Variants in CD2AP observed in about 807,000 individuals in gnomAD.
CD2AP encodes the protein CD2 associated protein, also known as CD2-associated protein.
Under a neutral mutation model 85.1 loss-of-function variants are expected in CD2AP, and 46 were observed. The observed-to-expected ratio is 0.54, with a 90% confidence interval of 0.43 to 0.69. The LOEUF is 0.69. Ranked by LOEUF, CD2AP falls within the 30% of genes least tolerant of loss-of-function variation. The pLI is 0.00. For synonymous variants in CD2AP, 255 were observed against 252.9 expected, an observed-to-expected ratio of 1.01 and a Z score of -0.08; for missense variants, 769 against 729.5, an observed-to-expected ratio of 1.05 and a Z score of -0.62.
At chr6:47,512,459 T>A (rs531077074) in intron 2 of CD2AP, among the ~76,000 whole-genome samples, 101 of 152,358 alleles carry the variant, frequency 6.6e-4, no homozygotes, top group African/African-American at 2.3e-3. Flanking sequence ...TTCAGATAGC[T>A]ATACTGAAGA....
At chr6:47,607,043 A>G (rs1448052010) in intron 14 of CD2AP, among the ~76,000 whole-genome samples, 1 of 152,036 alleles carries the variant, frequency 6.6e-6, no homozygotes, top group East Asian at 1.9e-4. Flanking sequence ...TAATTTTTAT[A>G]GTGAGAATAT....
At position 47,607,912 on chromosome 6, in the gene CD2AP, T is replaced by C. The variant is rs200506346; in HGVS notation, c.1531-15T>C. ...TTGGTCTATTATGTCTCTTGACTTC[T>C]AAAAAATCATTTAGCCAACTCACAG... is the stretch of plus-strand genomic sequence containing the variant. On this transcript the variant is annotated splice_polypyrimidine_tract_variant and intron_variant, in intron 14 of 17. Transcript: ENST00000359314. 6.3e-7 allele frequency: 1 copy of C among 1,586,468 alleles called. No individual in the cohort carries two copies. The highest frequency in any genetic ancestry group is 1.1e-5 in the South Asian group (1 of 90,320).
intron 6 of CD2AP, 128 bp downstream of exon 6, chr6:47,574,379 T>C: frequency 1.2e-6 from 1 of 807,874 alleles, no homozygotes; most frequent in Admixed American, 2.3e-5. Flanking sequence ...TGGTTATGAA[T>C]GAGGAGGCTG....
chr6:47,533,078 T>C lies in CD2AP; in HGVS notation c.166-524T>C, dbSNP rs1404008018. Among the ~76,000 whole-genome samples, 5 of 152,110 alleles carry C rather than the reference T, an allele frequency of 3.3e-5. No homozygotes were observed. The East Asian group carries it at 9.6e-4, about 29-fold the overall frequency. On this transcript the variant is annotated intron_variant, in intron 2 of 17. Coordinates refer to ENST00000359314, the MANE Select transcript of CD2AP (RefSeq NM_012120.3). ...GAATTTTATAAATGGTTGGAAAAAA[T>C]CAAAAGGATAATATGACATATAAAA...
intron 2 of CD2AP, among the ~76,000 whole-genome samples, chr6:47,528,990 G>A (rs1172016494): frequency 1.3e-5 from 2 of 151,992 alleles, no homozygotes; most frequent in Non-Finnish European, 2.9e-5. Context: ...TTAGTGCATG[G>A]CAACATCTGA....
chr6:47,607,504 G>A (rs1769308149), intron 14 of CD2AP, among the ~76,000 whole-genome samples: 2 of 151,996 alleles, frequency 1.3e-5, no homozygotes, highest in African/African-American at 4.8e-5. Flanking sequence ...TTTAATTGGG[G>A]TGAGGTAATA....
At position 47,478,179 on chromosome 6, in the gene CD2AP, G is replaced by C. The variant is rs1262822555; in HGVS notation, c.-66G>C. 1.9e-6 allele frequency: 3 copies of C among 1,549,226 alleles called. No individual in the cohort carries two copies. Among genetic ancestry groups the C allele is most frequent in the African/African-American group, 2.7e-5 (2 of 73,156 alleles). On this transcript the variant is annotated 5_prime_UTR_variant, in exon 1 of 18. Transcript: ENST00000359314. ...CGCCTCCAGCCGCGGGAGCGGCCGC[G>C]CGAGCCACCACTGGAGGAGGAGGAG...
At position 47,612,645 on chromosome 6, in the gene CD2AP, G is replaced by T. The variant is rs191695660; in HGVS notation, c.1878+109G>T. ...GTACAAATTATGCTATACTACTTCA[G>T]TTGGACATACACACAATGGACTACT... On this transcript the variant is annotated intron_variant, in intron 17 of 17. Transcript: ENST00000359314. 4 of 744,672 alleles carry T rather than the reference G, an allele frequency of 5.4e-6. No individual in the cohort carries two copies. In the Admixed American group the frequency reaches 6.0e-5, roughly 11 times the overall value. The allele number at this position is 744,672 out of a possible 1,614,324, so 46.1% of individuals were successfully genotyped here. A position where few individuals can be genotyped will look rare whatever the true frequency, so the allele number is the denominator to read the frequency against.
intron 5 of CD2AP, among the ~76,000 whole-genome samples, chr6:47,560,810 A>G (rs1767839487): frequency 6.6e-6 from 1 of 152,216 alleles, no homozygotes. Flanking sequence ...CTATGTAAAT[A>G]TGCTATTCCT....
chr6:47,568,743 CAAAT>C (rs57832054), intron 5 of CD2AP, among the ~76,000 whole-genome samples: 9 of 150,330 alleles, frequency 6.0e-5, no homozygotes, highest in East Asian at 2.0e-4. Context: ...GACTCCGTCT[CAAAT>C]AAATAAATAA....
intron 11 of CD2AP, among the ~76,000 whole-genome samples, chr6:47,594,265 G>A (rs1768877062): frequency 1.3e-5 from 2 of 151,998 alleles, no homozygotes; most frequent in Admixed American, 6.6e-5. Flanking sequence ...TTAATTTTGT[G>A]TTATGTAAAT....
At chr6:47,524,878 C>T (rs1010614885) in intron 2 of CD2AP, among the ~76,000 whole-genome samples, 1 of 152,030 alleles carries the variant, frequency 6.6e-6, no homozygotes, top group Non-Finnish European at 1.5e-5. Flanking sequence ...TTTTGTTTTC[C>T]TTGCCGATTT....
intron 8 of CD2AP, among the ~76,000 whole-genome samples, chr6:47,577,810 T>G (rs1045021988): frequency 2.0e-5 from 3 of 151,962 alleles, no homozygotes; most frequent in African/African-American, 7.2e-5. Flanking sequence ...ACTCTTGAGC[T>G]CAAGCATTCC....
intron 17 of CD2AP, among the ~76,000 whole-genome samples, chr6:47,619,913 G>A (rs922759008): frequency 6.6e-6 from 1 of 152,040 alleles, no homozygotes. Flanking sequence ...TTTTTGATGC[G>A]ATTGTTTTTT....
chr6:47,495,396 A>C (rs982797768), intron 1 of CD2AP, among the ~76,000 whole-genome samples: 3 of 152,110 alleles, frequency 2.0e-5, no homozygotes, highest in Admixed American at 6.6e-5. Flanking sequence ...AGGGGCATGG[A>C]GTGATTCTTC....
In CD2AP at chr6:47,477,848, G is replaced by A. The variant is rs974615554; in HGVS notation, c.-397G>A. The A allele has an allele frequency of 1.0e-5, 3 of 297,650 alleles. No homozygotes were observed. Among genetic ancestry groups the A allele is most frequent in the African/African-American group, 4.5e-5 (2 of 44,264 alleles). 18.4% of individuals were successfully genotyped at this position (297,650 alleles called of 1,614,324 possible). A position where few individuals can be genotyped will look rare whatever the true frequency, so the allele number is the denominator to read the frequency against. On this transcript the variant is annotated 5_prime_UTR_variant, in exon 1 of 18. Coordinates refer to ENST00000359314, the MANE Select transcript of CD2AP (RefSeq NM_012120.3). The stretch of plus-strand genomic sequence containing the variant: ...GCCTTTTCTAACTGCGAGTGCTAAG[G>A]AAGAGGCGAGGGGCGGGCTCCGAGG...
intron 9 of CD2AP, among the ~76,000 whole-genome samples, chr6:47,580,456 A>C (rs532355078): frequency 1.4e-4 from 7 of 51,818 alleles, no homozygotes; most frequent in East Asian, 6.3e-4. Flanking sequence ...AAAAACCAAA[A>C]CAAAACAAAC....
At chr6:47,519,303 A>G (rs2114003938) in intron 2 of CD2AP, among the ~76,000 whole-genome samples, 1 of 152,342 alleles carries the variant, frequency 6.6e-6, no homozygotes, top group South Asian at 2.1e-4. Context: ...AATGCAGAGT[A>G]GATAAGGAAT....
At chr6:47,523,148 T>C (rs1236936574) in intron 2 of CD2AP, among the ~76,000 whole-genome samples, 2 of 152,082 alleles carry the variant, frequency 1.3e-5, no homozygotes, top group African/African-American at 4.8e-5. Flanking sequence ...TTTATAGAAA[T>C]GTATTGACGA....
Sources: gnomAD v4.1 joint callset for allele counts (sites outside exome capture counted in the v4.1 genomes callset) on GRCh38, gnomAD v4.1.1 for gene constraint, MANE v1.5 for transcripts, NCBI Gene and HGNC (gene_info 2026-07-23, HGNC 2026-07-21) for gene names.